Variants in CCDC27 observed in about 807,000 individuals in gnomAD.
CCDC27 encodes coiled-coil domain containing 27.
A neutral mutation model predicts 80.3 loss-of-function variants in CCDC27; 80 were observed. That is an observed-to-expected ratio of 1.00 (90% CI 0.83 to 1.20). The LOEUF (loss-of-function observed/expected upper bound fraction) is 1.20. Ranked by LOEUF, CCDC27 falls within the 50% of genes most tolerant of loss-of-function variation. The pLI, the probability that CCDC27 is intolerant of heterozygous loss-of-function variation, is 0.00. For missense variants in CCDC27, 815 were observed against 809.4 expected (o/e 1.01, Z -0.08); for synonymous variants, 342 against 334.3 (o/e 1.02, Z -0.25).
At position 3,756,737 on chromosome 1, in the gene CCDC27, C is replaced by T. The variant is rs1267560533; in HGVS notation, c.558C>T (p.Tyr186=). ...RRGSDTNVDG[Y]LLPFSKSICE... ...TGGCCTCCGCTGTCGCCACAGGGTA[C>T]CTCCTTCCCTTCAGTAAGAGCATCT... The change falls in exon 4 of 12, where the codon TAC becomes TAT. Residue 186 remains tyrosine (Y), a synonymous_variant. Transcript: ENST00000294600. The T allele has an allele frequency of 6.2e-7, 1 of 1,613,922 alleles. No homozygotes were observed. Among genetic ancestry groups the T allele is most frequent in the East Asian group, 2.2e-5 (1 of 44,880 alleles).
chr1:3,764,190 A>C (rs1390594146), intron 8 of CCDC27, among the ~76,000 whole-genome samples: 1 of 151,998 alleles, frequency 6.6e-6, no homozygotes, highest in Non-Finnish European at 1.5e-5. Flanking sequence ...AGAGACTGCT[A>C]CTCCACTGAG....
At chr1:3,762,378 G>A (rs1643109264) in intron 5 of CCDC27, among the ~76,000 whole-genome samples, 1 of 152,156 alleles carries the variant, frequency 6.6e-6, no homozygotes, top group African/African-American at 2.4e-5. Flanking sequence ...TTACTGCAAG[G>A]CCACTTGCTG....
intron 4 of CCDC27, 26 bp downstream of exon 4, chr1:3,756,916 C>T (rs752031201): frequency 1.9e-5 from 30 of 1,598,130 alleles, no homozygotes; most frequent in Middle Eastern, 2.1e-4. Context: ...GTGCAAATCC[C>T]GGCCCCCCAC....
rs1181885 is a variant in CCDC27 at position 3,760,003 on chromosome 1, C to T, written c.712-1278C>T. Among the ~76,000 whole-genome samples, 14,147 of 152,178 alleles carry T rather than the reference C, an allele frequency of 0.093. 768 individuals are homozygous for T. The highest frequency in any genetic ancestry group is 0.2 in the Middle Eastern group (58 of 294). On this transcript the variant is annotated intron_variant, in intron 4 of 11. Coordinates refer to ENST00000294600, the MANE Select transcript of CCDC27 (RefSeq NM_152492.3). The surrounding 1 kb of genome is among the most constrained non-coding windows in gnomAD (Gnocchi z 4.3). ...CTTTTCTTTATCTCCTCTCTGCCTTCGTCTGGGCTGTCATAGATAAACTCT... is the reference window on the plus strand; with the variant it reads ...CTTTTCTTTATCTCCTCTCTGCCTTTGTCTGGGCTGTCATAGATAAACTCT...
Position 3,766,235 on chromosome 1 carries a change from C to G in CCDC27, c.1453-300C>G. Among the ~76,000 whole-genome samples, 1 of 152,254 alleles carries G rather than the reference C, an allele frequency of 6.6e-6. No individual in the cohort carries two copies. Among genetic ancestry groups the G allele is most frequent in the East Asian group, 1.9e-4 (1 of 5,178 alleles). On this transcript the variant is annotated intron_variant, in intron 8 of 11. Coordinates refer to ENST00000294600, the MANE Select transcript of CCDC27 (RefSeq NM_152492.3). This position sits in a 1 kb window ranked among gnomAD's most constrained non-coding sequence, Gnocchi z 6.1. ...TTTTAGCCTCCATGTTTAGAAGAAC[C>G]CAGACCAACAATGTCTGAGACTTTT...
rs1235590619 is a variant in CCDC27 at position 3,761,653 on chromosome 1, C to CA, written c.861+224dup. On this transcript the variant is annotated intron_variant, in intron 5 of 11. Coordinates refer to ENST00000294600, the MANE Select transcript of CCDC27 (RefSeq NM_152492.3). This position sits in a 1 kb window ranked among gnomAD's most constrained non-coding sequence, Gnocchi z 5.0. Reference sequence around the variant, plus strand: ...AAATGAGAGCCATGAGCTGATGCAACAGGGGGGGGAGAGATGAATGGAGGC... The same window carrying CA: ...AAATGAGAGCCATGAGCTGATGCAACAAGGGGGGGGAGAGATGAATGGAGGC... Among the ~76,000 whole-genome samples, 4 of 137,822 alleles carry CA rather than the reference C, an allele frequency of 2.9e-5. No individual in the cohort carries two copies. The East Asian group carries it at 8.3e-4, about 29-fold the overall frequency. 90.4% of individuals were successfully genotyped at this position (137,822 alleles called of 152,430 possible). A position where few individuals can be genotyped will look rare whatever the true frequency, so the allele number is the denominator to read the frequency against.
In CCDC27 at chr1:3,765,545, T is replaced by C. The variant is rs185320008; in HGVS notation, c.1453-990T>C. Among the ~76,000 whole-genome samples the C allele has an allele frequency of 3.4e-4, 52 of 152,364 alleles. No individual in the cohort carries two copies. In the East Asian group the frequency reaches 9.4e-3, roughly 28 times the overall value. On this transcript the variant is annotated intron_variant, in intron 8 of 11. Coordinates refer to ENST00000294600, the MANE Select transcript of CCDC27 (RefSeq NM_152492.3). ...AGATTTCCTTAACTTTATCAACAGCTCTTTTCATTTTGTTATAATATTTTA... is the reference window on the plus strand; with the variant it reads ...AGATTTCCTTAACTTTATCAACAGCCCTTTTCATTTTGTTATAATATTTTA...
chr1:3,765,537 T>C (rs1643207764), intron 8 of CCDC27, among the ~76,000 whole-genome samples: 1 of 152,260 alleles, frequency 6.6e-6, no homozygotes, highest in African/African-American at 2.4e-5. Context: ...CTTAACTTTA[T>C]CAACAGCTCT....
At position 3,766,441 on chromosome 1, in the gene CCDC27, G is replaced by T; in HGVS notation, c.1453-94G>T. On this transcript the variant is annotated intron_variant, in intron 8 of 11. Transcript: ENST00000294600. This position sits in a 1 kb window ranked among gnomAD's most constrained non-coding sequence, Gnocchi z 6.1. ...AGAAATCCCGCTGCTATTATTTTAG[G>T]GAGCTTTGGGGAAGGAAAAAAGTTA... The T allele has an allele frequency of 1.3e-6, 1 of 759,982 alleles. No homozygotes were observed. Among genetic ancestry groups the T allele is most frequent in the Non-Finnish European group, 2.2e-6 (1 of 451,160 alleles). 47.1% of individuals were successfully genotyped at this position (759,982 alleles called of 1,614,324 possible).
At chr1:3,755,763 T>TC (rs970602911) in intron 3 of CCDC27, 196 bp downstream of exon 3, 89 of 589,382 alleles carry the variant, frequency 1.5e-4, no homozygotes, top group African/African-American at 1.5e-3. Flanking sequence ...TAGGCTGCAG[T>TC]CCCCCCAGGA....
At chr1:3,767,116 G>A in intron 9 of CCDC27, 117 bp from the exon 10 acceptor site, 1 of 853,388 alleles carries the variant, frequency 1.2e-6, no homozygotes. Flanking sequence ...TGGGATTACA[G>A]GCGTGAGCCA....
Position 3,766,502 on chromosome 1 carries a change from G to GT in CCDC27, c.1453-32dup. 1 of 1,521,262 alleles carries GT rather than the reference G, an allele frequency of 6.6e-7. No individual in the cohort carries two copies. Among genetic ancestry groups the GT allele is most frequent in the Middle Eastern group, 1.7e-4 (1 of 5,814 alleles). 94.2% of individuals were successfully genotyped at this position (1,521,262 alleles called of 1,614,324 possible). On this transcript the variant is annotated intron_variant, in intron 8 of 11. Coordinates refer to ENST00000294600, the MANE Select transcript of CCDC27 (RefSeq NM_152492.3). This position sits in a 1 kb window ranked among gnomAD's most constrained non-coding sequence, Gnocchi z 6.1. ...TTCAGTCTGTTATCTAAACCTGGGA[G>GT]TCCCCCAAGCCAACCCTTCTGTCTC...
chr1:3,755,320 G>A, intron 2 of CCDC27, 137 bp from the exon 3 acceptor site: 1 of 723,020 alleles, frequency 1.4e-6, no homozygotes. Flanking sequence ...TTCAGCCCTT[G>A]CTCAGTCCCA....
Position 3,761,281 on chromosome 1 carries a change from G to C in CCDC27, c.712G>C (p.Asp238His). ...PWYLSVIHEK[D>H]HCLSELEIQV... ...GGGCTGCCCTTGGTTTTCTGCCCAG[G>C]ATCACTGCCTGTCTGAGCTGGAGAT... Residue 238 changes from aspartate (D) to histidine (H), a missense_variant and splice_region_variant, in exon 5 of 12, where the codon GAT (aspartate) becomes CAT (histidine). Asp to His is a moderately conservative substitution (Grantham distance 81). Coordinates refer to ENST00000294600, the MANE Select transcript of CCDC27 (RefSeq NM_152492.3). The surrounding 1 kb of genome is among the most constrained non-coding windows in gnomAD (Gnocchi z 5.0). The C allele has an allele frequency of 6.2e-7, 1 of 1,613,740 alleles. No individual in the cohort carries two copies. The highest frequency in any genetic ancestry group is 1.1e-5 in the South Asian group (1 of 91,024).
Position 3,763,050 on chromosome 1 carries a change from C to G in CCDC27, c.955-58C>G. The G allele has an allele frequency of 2.1e-6, 3 of 1,442,002 alleles. No homozygotes were observed. The South Asian group carries it at 4.5e-5, about 22-fold the overall frequency. The allele number at this position is 1,442,002 out of a possible 1,614,324, so 89.3% of individuals were successfully genotyped here. A position where few individuals can be genotyped will look rare whatever the true frequency, so the allele number is the denominator to read the frequency against. On this transcript the variant is annotated intron_variant, in intron 6 of 11. Transcript: ENST00000294600. The surrounding 1 kb of genome is among the most constrained non-coding windows in gnomAD (Gnocchi z 7.5). ...GTGCCCCCGCCATGAGCATTAGAGC[C>G]CTCTGCCCTGGGGGTGCCCCGCAGC...
At position 3,752,667 on chromosome 1, in the gene CCDC27, G is replaced by A. The variant is rs144876922; in HGVS notation, c.186G>A (p.Ser62=). The A allele has an allele frequency of 9.3e-5, 150 of 1,613,946 alleles. No individual in the cohort carries two copies. The highest frequency in any genetic ancestry group is 1.1e-4 in the African/African-American group (8 of 74,946). ...PSQRHSSMSS[S]MARALVLLQS... Reference sequence around the variant, plus strand: ...AGAGGCACAGTTCGATGTCCAGCTCGATGGCCAGGGCCCTGGTGCTCCTCC... The same window carrying A: ...AGAGGCACAGTTCGATGTCCAGCTCAATGGCCAGGGCCCTGGTGCTCCTCC... Residue 62 remains serine (S), a synonymous_variant, in exon 1 of 12, where the codon TCG becomes TCA. Coordinates refer to ENST00000294600, the MANE Select transcript of CCDC27 (RefSeq NM_152492.3).
intron 8 of CCDC27, among the ~76,000 whole-genome samples, 178 bp downstream of exon 8, chr1:3,764,014 C>T (rs964539301): frequency 4.6e-5 from 7 of 152,180 alleles, no homozygotes. Context: ...CTAGGATTCC[C>T]CAAGGTGTGT....
At chr1:3,767,081 C>T (rs777792471) in intron 9 of CCDC27, 152 bp from the exon 10 acceptor site, 23 of 648,534 alleles carry the variant, frequency 3.5e-5, no homozygotes, top group East Asian at 2.8e-5. Flanking sequence ...CCTCGTGATC[C>T]GCCCACCGCA....
Position 3,754,144 on chromosome 1 carries a change from C to T in CCDC27, c.345C>T (p.Leu115=), listed in dbSNP as rs376324869. The change falls in exon 2 of 12, where the codon CTC becomes CTT. Residue 115 remains leucine, a synonymous_variant. Transcript: ENST00000294600. ...KTSEPKDAAS[L]TGFMSKMELR... The stretch of plus-strand genomic sequence containing the variant: ...GTGAACCCAAGGATGCCGCCAGCCT[C>T]ACCGGCTTCATGTCCAAAATGGAAC... The T allele has an allele frequency of 8.1e-5, 131 of 1,613,632 alleles. No individual in the cohort carries two copies. Among genetic ancestry groups the T allele is most frequent in the Non-Finnish European group, 1.0e-4 (123 of 1,179,878 alleles).
Sources: gnomAD v4.1 joint callset for allele counts (sites outside exome capture counted in the v4.1 genomes callset) on GRCh38, gnomAD v4.1.1 for gene constraint, Gnocchi (gnomAD v3.1) non-coding constraint, MANE v1.5 for transcripts, NCBI Gene and HGNC (gene_info 2026-07-23, HGNC 2026-07-21) for gene names.